Variants in SCHIP1 observed in about 807,000 individuals in gnomAD.
SCHIP1 encodes schwannomin-interacting protein 1.
SCHIP1 carries 8 observed loss-of-function variants against 29.7 expected under a neutral mutation model. That is an observed-to-expected ratio of 0.27 (90% confidence interval 0.16 to 0.49). SCHIP1 has a LOEUF of 0.49. Among genes scored for constraint, SCHIP1 ranks in the 20% least tolerant of loss-of-function variants. The probability of loss-of-function intolerance (pLI) is 0.99; values close to 1 mark genes in which losing one functional copy is unlikely to be tolerated. For synonymous variants in SCHIP1, 76 were observed against 94.9 expected (o/e 0.80, Z 1.16); for missense variants, 193 against 294.6 (o/e 0.66, Z 2.52).
chr3:159,578,068 G>A, the SCHIP1 span, among the ~76,000 whole-genome samples: 2 of 152,118 alleles, frequency 1.3e-5, no homozygotes, highest in African/African-American at 4.8e-5. Flanking sequence ...CCCGGTTTTG[G>A]GGGGGTGGAA....
chr3:159,765,512 A>C, the SCHIP1 span: 2 of 206,666 alleles, frequency 9.7e-6, no homozygotes, highest in Non-Finnish European at 1.9e-5. Flanking sequence ...GATATTTCAA[A>C]TCGTAATAGT....
At chr3:159,358,920 CTTT>C in the SCHIP1 span, among the ~76,000 whole-genome samples, 4,680 of 96,030 alleles carry the variant, frequency 0.049, 236 homozygotes, top group African/African-American at 0.22. Flanking sequence ...TATTAGCATC[CTTT>C]TTTTTTTTTT....
the SCHIP1 span, among the ~76,000 whole-genome samples, chr3:159,696,304 T>G: frequency 6.6e-6 from 1 of 152,162 alleles, no homozygotes; most frequent in Non-Finnish European, 1.5e-5. Flanking sequence ...GATTCACACC[T>G]CCATTATCTC....
At chr3:159,396,634 T>C in the SCHIP1 span, among the ~76,000 whole-genome samples, 1 of 152,196 alleles carries the variant, frequency 6.6e-6, no homozygotes, top group Non-Finnish European at 1.5e-5. Flanking sequence ...TCTTTAAGAA[T>C]GTTGAATATT....
chr3:159,522,242 A>G, the SCHIP1 span, among the ~76,000 whole-genome samples: 2 of 152,224 alleles, frequency 1.3e-5, no homozygotes, highest in African/African-American at 2.4e-5. Flanking sequence ...CAAATGATAG[A>G]GTATAAACAC....
chr3:159,344,714 A>G, the SCHIP1 span, among the ~76,000 whole-genome samples: 13 of 152,248 alleles, frequency 8.5e-5, no homozygotes, highest in Admixed American at 5.2e-4. Flanking sequence ...GTAAACTGGT[A>G]TCTTGGATAG....
chr3:159,768,952 T>A, the SCHIP1 span, among the ~76,000 whole-genome samples: 71 of 152,360 alleles, frequency 4.7e-4, no homozygotes, highest in African/African-American at 1.7e-3. Flanking sequence ...GTCAGTGTGC[T>A]TCTCACAGTC....
chr3:159,765,250 C>T, the SCHIP1 span: 51 of 1,275,674 alleles, frequency 4.0e-5, no homozygotes, highest in Non-Finnish European at 5.4e-5. Context: ...ATTCATTCTT[C>T]CTCGAGGGTG....
the SCHIP1 span, among the ~76,000 whole-genome samples, chr3:159,803,390 C>A: frequency 6.6e-6 from 1 of 151,958 alleles, no homozygotes; most frequent in Non-Finnish European, 1.5e-5. Context: ...CTAGAACAGA[C>A]GTGTGGGTGT....
At chr3:159,667,427 AG>A in the SCHIP1 span, among the ~76,000 whole-genome samples, 1 of 152,246 alleles carries the variant, frequency 6.6e-6, no homozygotes, top group African/African-American at 2.4e-5. Flanking sequence ...CAAATGCAAA[AG>A]GAACCTGTAC....
chr3:159,740,519 G>A, the SCHIP1 span, among the ~76,000 whole-genome samples: 7 of 152,098 alleles, frequency 4.6e-5, no homozygotes, highest in African/African-American at 7.2e-5. Flanking sequence ...AACTGGAGAA[G>A]AGAGACAGAA....
the SCHIP1 span, among the ~76,000 whole-genome samples, chr3:159,472,292 G>A: frequency 6.6e-6 from 1 of 152,174 alleles, no homozygotes; most frequent in Non-Finnish European, 1.5e-5. Context: ...AACAGTAAAT[G>A]CTCATACAGC....
chr3:159,497,167 G>C, the SCHIP1 span, among the ~76,000 whole-genome samples: 1 of 151,936 alleles, frequency 6.6e-6, no homozygotes, highest in Non-Finnish European at 1.5e-5. Flanking sequence ...GTTAATGGCT[G>C]CAGCACACCA....
chr3:159,681,064 TG>T, the SCHIP1 span, among the ~76,000 whole-genome samples: 1 of 152,094 alleles, frequency 6.6e-6, no homozygotes, highest in African/African-American at 2.4e-5. Context: ...GGCTACTGAC[TG>T]GCTCCTCTGT....
At chr3:159,358,290 C>A in the SCHIP1 span, among the ~76,000 whole-genome samples, 2 of 152,158 alleles carry the variant, frequency 1.3e-5, no homozygotes, top group South Asian at 2.1e-4. Context: ...ATTCCCAACC[C>A]GAGGGGCTCT....
the SCHIP1 span, among the ~76,000 whole-genome samples, chr3:159,606,457 TG>T: frequency 6.6e-6 from 1 of 152,214 alleles, no homozygotes; most frequent in Admixed American, 6.5e-5. Context: ...TTGGAAATCA[TG>T]ATCTTACTGC....
At chr3:159,690,148 T>C in the SCHIP1 span, among the ~76,000 whole-genome samples, 1 of 152,220 alleles carries the variant, frequency 6.6e-6, no homozygotes, top group African/African-American at 2.4e-5. Context: ...TTTCTATTGT[T>C]TGGAATAGTT....
At chr3:159,494,675 A>T in the SCHIP1 span, among the ~76,000 whole-genome samples, 47 of 152,346 alleles carry the variant, frequency 3.1e-4, no homozygotes, top group African/African-American at 1.1e-3. Context: ...TATCAGAGGT[A>T]CAAGGAGGAG....
the SCHIP1 span, among the ~76,000 whole-genome samples, chr3:159,444,479 T>A: frequency 6.6e-6 from 1 of 151,398 alleles, no homozygotes; most frequent in African/African-American, 2.4e-5. Context: ...TGGGAAAAAA[T>A]TAATTGCTGC....
Sources: allele counts gnomAD v4.1 joint callset (sites outside exome capture counted in the v4.1 genomes callset), GRCh38; gene constraint gnomAD v4.1.1; transcripts MANE v1.5; gene names NCBI Gene and HGNC (gene_info 2026-07-23, HGNC 2026-07-21).